XKR6: variants seen among roughly 807,000 people sequenced by gnomAD.
XKR6 encodes XK-related protein 6.
In XKR6, 22 loss-of-function variants were observed where a neutral mutation model predicts 56.7. The observed-to-expected ratio is 0.39, with a 90% CI of 0.28 to 0.55. XKR6 has a LOEUF of 0.55. Among genes scored for constraint, XKR6 ranks in the 20% least tolerant of loss-of-function variants. XKR6 has a pLI of 0.66. For synonymous variants in XKR6, 524 were observed against 387.8 expected (o/e 1.35, Z -4.13); for missense variants, 852 against 889.0 (o/e 0.96, Z 0.53).
chr8:10,923,719 C>G (rs548812769), intron 2 of XKR6, among the ~76,000 whole-genome samples: 1 of 152,168 alleles, frequency 6.6e-6, no homozygotes, highest in African/African-American at 2.4e-5. Context: ...CACGGAGGGC[C>G]TCCTGGGGCA....
intron 1 of XKR6, chr8:11,126,126 T>C (rs1351705958): frequency 2.6e-5 from 4 of 152,214 alleles, no homozygotes; most frequent in Non-Finnish European, 4.4e-5. Context: ...TGAAGTGCAG[T>C]GGCATGATCT....
intron 1 of XKR6, among the ~76,000 whole-genome samples, chr8:10,940,033 C>T (rs1477284990): frequency 2.6e-5 from 4 of 152,274 alleles, no homozygotes; most frequent in East Asian, 1.9e-4. Context: ...AATCCTGCGT[C>T]GACGTGTAAT....
intron 1 of XKR6, among the ~76,000 whole-genome samples, chr8:11,128,211 T>C (rs1007000029): frequency 6.6e-6 from 1 of 152,208 alleles, no homozygotes; most frequent in Admixed American, 6.5e-5. Context: ...GTTTTCACCT[T>C]ACCCCACTGG....
chr8:10,922,947 G>A (rs777062872), intron 2 of XKR6, among the ~76,000 whole-genome samples: 7 of 152,150 alleles, frequency 4.6e-5, no homozygotes, highest in Non-Finnish European at 1.0e-4. Context: ...TCTAGGCCAC[G>A]GTTGCTCATC....
intron 1 of XKR6, among the ~76,000 whole-genome samples, chr8:10,976,393 C>T (rs1027012912): frequency 6.6e-6 from 1 of 152,256 alleles, no homozygotes; most frequent in East Asian, 1.9e-4. Context: ...CCGGGAAGAC[C>T]AGCTCCCAGA....
At position 11,013,935 on chromosome 8, in the gene XKR6, C is replaced by T. The variant is rs544367734; in HGVS notation, c.765-89105G>A. On this transcript the variant is annotated intron_variant, in intron 1 of 2. Coordinates refer to ENST00000416569, the MANE Select transcript of XKR6 (RefSeq NM_173683.4). Reference sequence around the variant, plus strand: ...CCTGTGAAGCCACCAACATCCAGGCCCGCAGGACAGACCCAAATCCATTCC... The same window carrying T: ...CCTGTGAAGCCACCAACATCCAGGCTCGCAGGACAGACCCAAATCCATTCC... Among the ~76,000 whole-genome samples, 3 of 152,332 alleles carry T rather than the reference C, an allele frequency of 2.0e-5. No individual in the cohort carries two copies. In the South Asian group the frequency reaches 6.2e-4, roughly 32 times the overall value.
intron 1 of XKR6, among the ~76,000 whole-genome samples, chr8:10,997,169 T>C (rs1461915533): frequency 6.6e-6 from 1 of 152,146 alleles, no homozygotes; most frequent in African/African-American, 2.4e-5. Context: ...TATGTATGCT[T>C]TATTATAAAT....
chr8:11,075,109 C>CAG lies in XKR6; in HGVS notation c.764+125465_764+125466dup, dbSNP rs61098365. ...GGAAGAGGATGCTGCCCCCGCCCTG[C>CAG]AGAGGCTCCCATAAGGAGCCCATCA... On this transcript the variant is annotated intron_variant, in intron 1 of 2. Transcript: ENST00000416569. Among the ~76,000 whole-genome samples the CAG allele has an allele frequency of 1.8e-4, 28 of 152,268 alleles. No homozygotes were observed. The East Asian group carries it at 5.4e-3, about 29-fold the overall frequency.
chr8:10,907,507 T>C (rs1413888290), intron 2 of XKR6, among the ~76,000 whole-genome samples: 1 of 152,216 alleles, frequency 6.6e-6, no homozygotes. Context: ...TTCCTTACCA[T>C]GCTATCAGCA....
At chr8:11,188,859 C>T (rs568858947) in intron 1 of XKR6, among the ~76,000 whole-genome samples, 2 of 152,260 alleles carry the variant, frequency 1.3e-5, no homozygotes, top group South Asian at 2.1e-4. Flanking sequence ...TGAGCTTCTC[C>T]GTTACAAGGT....
At chr8:10,975,539 A>G (rs1802529620) in intron 1 of XKR6, among the ~76,000 whole-genome samples, 1 of 152,162 alleles carries the variant, frequency 6.6e-6, no homozygotes, top group African/African-American at 2.4e-5. Context: ...GGCTGAAAGA[A>G]GGAAAATTAC....
intron 1 of XKR6, among the ~76,000 whole-genome samples, chr8:10,999,414 C>T (rs993022892): frequency 1.3e-5 from 2 of 152,272 alleles, no homozygotes; most frequent in Non-Finnish European, 2.9e-5. Context: ...AATGAAAATG[C>T]TACAATAAAA....
At chr8:11,136,109 C>T (rs1800377756) in intron 1 of XKR6, among the ~76,000 whole-genome samples, 1 of 152,064 alleles carries the variant, frequency 6.6e-6, no homozygotes, top group South Asian at 2.1e-4. Flanking sequence ...TGCATCCCAC[C>T]ACCGGAAGTA....
chr8:11,143,933 C>T (rs1223521731), intron 1 of XKR6, among the ~76,000 whole-genome samples: 1 of 152,176 alleles, frequency 6.6e-6, no homozygotes, highest in Non-Finnish European at 1.5e-5. Flanking sequence ...AGTCTCTTTC[C>T]TTGGCTCACA....
intron 1 of XKR6, among the ~76,000 whole-genome samples, chr8:11,025,570 A>T (rs10106838): frequency 0.042 from 6,362 of 152,320 alleles, 428 homozygotes; most frequent in African/African-American, 0.14. Flanking sequence ...CAGGCTTGGT[A>T]AGTACACGGA....
Position 11,201,022 on chromosome 8 carries a change from T to C in XKR6, c.318A>G (p.Gln106=), listed in dbSNP as rs933596769. 8.3e-7 allele frequency: 1 copy of C among 1,208,682 alleles called. No individual in the cohort carries two copies. Among genetic ancestry groups the C allele is most frequent in the Non-Finnish European group, 1.0e-6 (1 of 978,106 alleles). 74.9% of individuals were successfully genotyped at this position (1,208,682 alleles called of 1,614,324 possible). Residue 106 remains glutamine, a synonymous_variant, in exon 1 of 3, where the codon CAA becomes CAG. Coordinates refer to ENST00000416569, the MANE Select transcript of XKR6 (RefSeq NM_173683.4). ...GCCGCGCGGCCGAGGGCGTCGGGGGTTGGCGGCCGGCGCCGGGGGCCGCGG... is the reference window on the plus strand; with the variant it reads ...GCCGCGCGGCCGAGGGCGTCGGGGGCTGGCGGCCGGCGCCGGGGGCCGCGG... ...QPPAAPGAGR[Q]PPTPSAARPE...
chr8:10,906,831 A>G (rs1022375419), intron 2 of XKR6, among the ~76,000 whole-genome samples: 4 of 152,220 alleles, frequency 2.6e-5, no homozygotes, highest in Admixed American at 1.3e-4. Flanking sequence ...CAGGAGATTG[A>G]GACCATCCTA....
In XKR6 at chr8:10,903,182, C is replaced by T. The variant is rs935212368; in HGVS notation, c.962-4266G>A. ...GACCTGTCTGTGACATTGTCTACGTCGTTATGTTTGGCCAAGGGACCAAAT... is the reference window on the plus strand; with the variant it reads ...GACCTGTCTGTGACATTGTCTACGTTGTTATGTTTGGCCAAGGGACCAAAT... On this transcript the variant is annotated intron_variant, in intron 2 of 2. Transcript: ENST00000416569. 5.3e-5 allele frequency among the ~76,000 whole-genome samples: 8 copies of T among 152,216 alleles called. 1 individual carries two copies. Among genetic ancestry groups the T allele is most frequent in the South Asian group, 2.1e-4 (1 of 4,832 alleles).
Position 11,178,993 on chromosome 8 carries a change from C to T in XKR6, c.764+21583G>A, listed in dbSNP as rs537276592. 9.3e-5 allele frequency among the ~76,000 whole-genome samples: 14 copies of T among 150,456 alleles called. No individual in the cohort carries two copies. In the South Asian group the frequency reaches 1.7e-3, roughly 18 times the overall value. On this transcript the variant is annotated intron_variant, in intron 1 of 2. Transcript: ENST00000416569. ...AAGTAGCTAGAACTACAGGCATACA[C>T]GACCACACCTGGCTAATTTTCTTTT...
Sources: gnomAD v4.1 joint callset for allele counts (sites outside exome capture counted in the v4.1 genomes callset) on GRCh38, gnomAD v4.1.1 for gene constraint, MANE v1.5 for transcripts, NCBI Gene and HGNC (gene_info 2026-07-23, HGNC 2026-07-21) for gene names.